Variants in RAP1GDS1 observed in about 807,000 individuals in gnomAD.
RAP1GDS1 encodes the protein Rap1 GTPase-GDP dissociation stimulator 1.
Under a neutral mutation model 71.1 loss-of-function variants are expected in RAP1GDS1, and 35 were observed. That is an observed-to-expected ratio of 0.49 (90% CI 0.38 to 0.65). The LOEUF is 0.65. Among genes scored for constraint, RAP1GDS1 ranks in the 30% least tolerant of loss-of-function variants. The pLI is 0.00. For missense variants in RAP1GDS1, 663 were observed against 706.1 expected, an observed-to-expected ratio of 0.94 and a Z score of 0.69; for synonymous variants, 229 against 243.1, an observed-to-expected ratio of 0.94 and a Z score of 0.54.
At chr4:98,427,080 A>G (rs1202007042) in intron 12 of RAP1GDS1, among the ~76,000 whole-genome samples, 1 of 152,194 alleles carries the variant, frequency 6.6e-6, no homozygotes, top group Admixed American at 6.5e-5. Context: ...CAAGTCAATA[A>G]ATGTGACACA....
At chr4:98,433,750 T>C (rs758143805) in intron 12 of RAP1GDS1, among the ~76,000 whole-genome samples, 186 bp from the exon 13 acceptor site, 1 of 152,208 alleles carries the variant, frequency 6.6e-6, no homozygotes, top group Non-Finnish European at 1.5e-5. Flanking sequence ...TTGTCATCTT[T>C]TGATGAATGT....
intron 1 of RAP1GDS1, among the ~76,000 whole-genome samples, chr4:98,269,591 A>G (rs1005546617): frequency 6.6e-6 from 1 of 152,192 alleles, no homozygotes; most frequent in South Asian, 2.1e-4. Flanking sequence ...GTTAACACGT[A>G]AAAATAATCA....
In RAP1GDS1 at chr4:98,405,610, C is replaced by A. The variant is rs76525801; in HGVS notation, c.763+1008C>A. Reference sequence around the variant, plus strand: ...CAGAAATTATGAAAAATGCAAAGATCCAAGAAGCCCTTTGAACCCAAAATA... The same window carrying A: ...CAGAAATTATGAAAAATGCAAAGATACAAGAAGCCCTTTGAACCCAAAATA... On this transcript the variant is annotated intron_variant, in intron 7 of 14. Coordinates refer to ENST00000408927, the MANE Select transcript of RAP1GDS1 (RefSeq NM_001100427.2). Among the ~76,000 whole-genome samples the A allele has an allele frequency of 3.7e-3, 558 of 151,830 alleles. 4 individuals are homozygous for A. Among genetic ancestry groups the A allele is most frequent in the African/African-American group, 0.012 (515 of 41,420 alleles).
At chr4:98,359,877 G>C (rs893315730) in intron 4 of RAP1GDS1, among the ~76,000 whole-genome samples, 4 of 152,166 alleles carry the variant, frequency 2.6e-5, no homozygotes, top group African/African-American at 9.7e-5. Flanking sequence ...GCGGCAGAGA[G>C]AACGAAATTA....
intron 7 of RAP1GDS1, among the ~76,000 whole-genome samples, chr4:98,414,706 C>T (rs1179385052): frequency 2.0e-5 from 3 of 151,478 alleles, no homozygotes; most frequent in East Asian, 3.9e-4. Flanking sequence ...CGGGCTCTTT[C>T]TTGGTTCCAT....
At chr4:98,437,112 A>C (rs750278320) in intron 14 of RAP1GDS1, 44 bp downstream of exon 14, 1 of 1,501,436 alleles carries the variant, frequency 6.7e-7, no homozygotes, top group Admixed American at 2.3e-5. Context: ...CATATGGTTC[A>C]CATTAAATAT....
chr4:98,441,912 A>G (rs2110234849), intron 14 of RAP1GDS1, 78 bp from the exon 15 acceptor site: 2 of 1,476,844 alleles, frequency 1.4e-6, no homozygotes, highest in East Asian at 2.3e-5. Flanking sequence ...TCTTGTCAAA[A>G]TAAACATTTT....
intron 2 of RAP1GDS1, among the ~76,000 whole-genome samples, chr4:98,326,346 T>G (rs1453660550): frequency 6.6e-6 from 1 of 152,208 alleles, no homozygotes; most frequent in Non-Finnish European, 1.5e-5. Flanking sequence ...TTTGGGTAAT[T>G]AATATCAAAT....
intron 2 of RAP1GDS1, among the ~76,000 whole-genome samples, chr4:98,298,116 G>A (rs1315456512): frequency 6.6e-6 from 1 of 152,184 alleles, no homozygotes; most frequent in East Asian, 1.9e-4. Context: ...TGAGAAGGCC[G>A]AGAGGTGAGG....
At chr4:98,283,927 A>G (rs1725598714) in intron 1 of RAP1GDS1, among the ~76,000 whole-genome samples, 1 of 151,522 alleles carries the variant, frequency 6.6e-6, no homozygotes, top group Admixed American at 6.6e-5. Flanking sequence ...AAGAGCTTAC[A>G]TCTATATAAA....
intron 4 of RAP1GDS1, among the ~76,000 whole-genome samples, chr4:98,355,443 ATAG>A (rs1737816572): frequency 6.6e-6 from 1 of 152,206 alleles, no homozygotes; most frequent in African/African-American, 2.4e-5. Context: ...ATTCAGGATG[ATAG>A]TAGGCTTACA....
chr4:98,295,153 C>G (rs1020177876), intron 2 of RAP1GDS1, among the ~76,000 whole-genome samples: 1 of 151,976 alleles, frequency 6.6e-6, no homozygotes, highest in Non-Finnish European at 1.5e-5. Context: ...ATTTAAGAAA[C>G]ACTGAGAAGT....
chr4:98,430,212 A>G (rs991790294), intron 12 of RAP1GDS1, among the ~76,000 whole-genome samples: 5 of 152,148 alleles, frequency 3.3e-5, no homozygotes, highest in African/African-American at 1.2e-4. Flanking sequence ...GGGTGTGTGT[A>G]GCAGAAAACA....
At chr4:98,328,763 A>G (rs941231903) in intron 2 of RAP1GDS1, among the ~76,000 whole-genome samples, 6 of 152,112 alleles carry the variant, frequency 3.9e-5, no homozygotes, top group Admixed American at 1.3e-4. Flanking sequence ...GCTCACTGCA[A>G]CCTCCACGTC....
rs1343455857 is a variant in RAP1GDS1, at chr4:98,274,729, G to A, written c.4+13160G>A. 3.9e-5 allele frequency among the ~76,000 whole-genome samples: 6 copies of A among 152,060 alleles called. No homozygotes were observed. The East Asian group carries it at 7.7e-4, about 20-fold the overall frequency. On this transcript the variant is annotated intron_variant, in intron 1 of 14. Coordinates refer to ENST00000408927, the MANE Select transcript of RAP1GDS1 (RefSeq NM_001100427.2). The stretch of plus-strand genomic sequence containing the variant: ...TAACTCTTCCGTGATTTCAAGCTTG[G>A]AATTGACTTCTTGAGAAAAAACTAA...
At chr4:98,299,314 A>G (rs955398728) in intron 2 of RAP1GDS1, among the ~76,000 whole-genome samples, 1 of 152,168 alleles carries the variant, frequency 6.6e-6, no homozygotes, top group African/African-American at 2.4e-5. Context: ...TCATTGATGG[A>G]CATTCAGATT....
At chr4:98,432,105 C>T (rs1186466974) in intron 12 of RAP1GDS1, among the ~76,000 whole-genome samples, 2 of 152,094 alleles carry the variant, frequency 1.3e-5, no homozygotes, top group Non-Finnish European at 2.9e-5. Context: ...ACGACAGGCC[C>T]CAGTGTGTGA....
intron 7 of RAP1GDS1, among the ~76,000 whole-genome samples, chr4:98,405,834 C>T (rs930760470): frequency 4.0e-5 from 6 of 151,302 alleles, no homozygotes; most frequent in African/African-American, 9.7e-5. Context: ...CCAAAAAAAA[C>T]GGTAGATATA....
At chr4:98,429,017 G>T (rs905964931) in intron 12 of RAP1GDS1, among the ~76,000 whole-genome samples, 5 of 152,064 alleles carry the variant, frequency 3.3e-5, no homozygotes, top group African/African-American at 1.2e-4. Context: ...CCAACACTAT[G>T]GGAGGACGAG....
Sources: allele counts gnomAD v4.1 joint callset (sites outside exome capture counted in the v4.1 genomes callset), GRCh38; gene constraint gnomAD v4.1.1; transcripts MANE v1.5; gene names NCBI Gene and HGNC (gene_info 2026-07-23, HGNC 2026-07-21).